Variants in WWOX observed in about 807,000 individuals in gnomAD.
WWOX encodes the protein WW domain containing oxidoreductase, also known as WW domain-containing oxidoreductase.
In WWOX, 69 loss-of-function variants were observed where a neutral mutation model predicts 46.2. That is an observed-to-expected ratio of 1.49 (90% CI 1.23 to 1.82). WWOX has a LOEUF of 1.82. Ranked by LOEUF, WWOX falls within the 40% of genes most tolerant of loss-of-function variation. The probability of loss-of-function intolerance (pLI) is 0.00; values close to 1 mark genes in which losing one functional copy is unlikely to be tolerated. For missense variants in WWOX, 919 were observed against 542.6 expected (o/e 1.69, Z -6.89); for synonymous variants, 359 against 202.6 (o/e 1.77, Z -6.56).
At chr16:78,108,552 C>T (rs1389986506) in intron 2 of WWOX, 65 bp downstream of exon 2, 3 of 1,547,932 alleles carry the variant, frequency 1.9e-6, no homozygotes, top group African/African-American at 1.4e-5. Flanking sequence ...ATGTCACTGG[C>T]AGAGAGGTGA....
intron 7 of WWOX, among the ~76,000 whole-genome samples, chr16:78,430,148 A>G (rs2083181540): frequency 6.6e-6 from 1 of 152,182 alleles, no homozygotes; most frequent in South Asian, 2.1e-4. Context: ...GTCTTACATG[A>G]CATCAGGCAA....
chr16:78,504,548 C>G (rs1240937175), intron 8 of WWOX, among the ~76,000 whole-genome samples: 1 of 152,192 alleles, frequency 6.6e-6, no homozygotes, highest in Non-Finnish European at 1.5e-5. Context: ...TGTAAATGCT[C>G]AACAGACTGG....
At chr16:79,157,679 C>CA (rs1246081073) in intron 8 of WWOX, among the ~76,000 whole-genome samples, 2 of 152,144 alleles carry the variant, frequency 1.3e-5, no homozygotes, top group Non-Finnish European at 2.9e-5. Context: ...ACTGAAAAGA[C>CA]AGTTTGTGAG....
chr16:78,337,538 A>G (rs1186579586), intron 5 of WWOX, among the ~76,000 whole-genome samples: 5 of 152,150 alleles, frequency 3.3e-5, no homozygotes, highest in South Asian at 2.1e-4. Context: ...TGTACATTCT[A>G]TAGGTTTGTT....
intron 5 of WWOX, among the ~76,000 whole-genome samples, chr16:78,247,851 A>G (rs1048091425): frequency 2.0e-5 from 3 of 152,200 alleles, no homozygotes; most frequent in Non-Finnish European, 4.4e-5. Context: ...AGATGTGAGG[A>G]AAGAGGACAC....
chr16:79,148,567 A>G (rs2050221430), intron 8 of WWOX, among the ~76,000 whole-genome samples: 1 of 152,120 alleles, frequency 6.6e-6, no homozygotes, highest in Non-Finnish European at 1.5e-5. Flanking sequence ...TTTCATATAA[A>G]TTGTACAATA....
At chr16:78,647,670 A>C (rs1053372134) in intron 8 of WWOX, among the ~76,000 whole-genome samples, 3 of 152,198 alleles carry the variant, frequency 2.0e-5, no homozygotes, top group African/African-American at 7.2e-5. Flanking sequence ...ACATCAGACC[A>C]TCACCTTCTT....
At chr16:79,132,127 A>AACACACACACACAC (rs141785224) in intron 8 of WWOX, among the ~76,000 whole-genome samples, 3 of 141,486 alleles carry the variant, frequency 2.1e-5, no homozygotes, top group Admixed American at 1.4e-4. Flanking sequence ...CACTTGCAGA[A>AACACACACACACAC]ACACACACAC....
At chr16:79,067,093 A>G (rs2048455291) in intron 8 of WWOX, among the ~76,000 whole-genome samples, 1 of 152,152 alleles carries the variant, frequency 6.6e-6, no homozygotes. Context: ...GTCTCCCTGA[A>G]AGGAGCATAG....
At chr16:78,779,156 T>C (rs2050264600) in intron 8 of WWOX, among the ~76,000 whole-genome samples, 1 of 152,134 alleles carries the variant, frequency 6.6e-6, no homozygotes, top group African/African-American at 2.4e-5. Flanking sequence ...TCTTTTTTGT[T>C]GTTTGTTTTT....
At chr16:78,423,544 C>T (rs936985232) in intron 6 of WWOX, among the ~76,000 whole-genome samples, 5 of 152,140 alleles carry the variant, frequency 3.3e-5, no homozygotes, top group South Asian at 2.1e-4. Flanking sequence ...TTTTGATTCA[C>T]GTGAAAGCCT....
chr16:78,385,401 C>T (rs1362493523), intron 5 of WWOX, among the ~76,000 whole-genome samples: 1 of 152,200 alleles, frequency 6.6e-6, no homozygotes, highest in Admixed American at 6.5e-5. Flanking sequence ...GTCTTCCAGA[C>T]AGGATGTTAG....
chr16:78,875,197 T>G (rs913080925), intron 8 of WWOX, among the ~76,000 whole-genome samples: 1 of 152,122 alleles, frequency 6.6e-6, no homozygotes, highest in Non-Finnish European at 1.5e-5. Context: ...CTGAAACCTT[T>G]CTGAGGAAGA....
At chr16:78,821,501 A>G (rs1349273867) in intron 8 of WWOX, among the ~76,000 whole-genome samples, 2 of 152,212 alleles carry the variant, frequency 1.3e-5, no homozygotes, top group African/African-American at 2.4e-5. Context: ...CCATTGTGTA[A>G]TCTTCACAGT....
At chr16:78,814,445 A>G (rs1292980666) in intron 8 of WWOX, among the ~76,000 whole-genome samples, 1 of 152,072 alleles carries the variant, frequency 6.6e-6, no homozygotes, top group African/African-American at 2.4e-5. Context: ...CCACTGTGTG[A>G]TGAAACTACC....
chr16:78,514,497 G>A (rs573432517), intron 8 of WWOX, among the ~76,000 whole-genome samples: 11 of 152,272 alleles, frequency 7.2e-5, no homozygotes, highest in African/African-American at 2.4e-4. Context: ...AAGGTGAAGT[G>A]GTCCTAATCT....
intron 8 of WWOX, among the ~76,000 whole-genome samples, chr16:78,923,053 T>C (rs1567651755): frequency 6.6e-6 from 1 of 150,388 alleles, no homozygotes; most frequent in Non-Finnish European, 1.5e-5. Context: ...GCAATGTTGG[T>C]CCACCTCAAC....
chr16:78,440,352 A>T (rs1183602305), intron 8 of WWOX, among the ~76,000 whole-genome samples: 1 of 152,080 alleles, frequency 6.6e-6, no homozygotes, highest in African/African-American at 2.4e-5. Flanking sequence ...CATGTTCTTC[A>T]GCCTAGAATA....
chr16:78,764,395 G>A (rs11643233), intron 8 of WWOX, among the ~76,000 whole-genome samples: 81,702 of 150,086 alleles, frequency 0.54, 25,535 homozygotes, highest in Non-Finnish European at 0.7. Context: ...CCCACTTGGA[G>A]GCATTCTGTC....
Sources: allele counts gnomAD v4.1 joint callset (sites outside exome capture counted in the v4.1 genomes callset), GRCh38; gene constraint gnomAD v4.1.1; transcripts MANE v1.5; gene names NCBI Gene and HGNC (gene_info 2026-07-23, HGNC 2026-07-21).